The following PCNX2 variants were observed in gnomAD, a reference collection of about 807,000 sequenced individuals.
PCNX2 encodes the protein pecanex-like protein 2.
A neutral mutation model predicts 223.8 loss-of-function variants in PCNX2; 168 were observed. The observed-to-expected ratio is 0.75, with a 90% CI of 0.66 to 0.85. The LOEUF is 0.85. Among genes scored for constraint, PCNX2 ranks in the 40% least tolerant of loss-of-function variants. PCNX2 has a pLI of 0.00. For synonymous variants in PCNX2, 1,006 were observed against 1,052.6 expected, an observed-to-expected ratio of 0.96 and a Z score of 0.86; for missense variants, 2,507 against 2,675.5, an observed-to-expected ratio of 0.94 and a Z score of 1.39.
intron 21 of PCNX2, among the ~76,000 whole-genome samples, chr1:233,120,238 A>G (rs1675706147): frequency 6.6e-6 from 1 of 151,592 alleles, no homozygotes; most frequent in Admixed American, 6.6e-5. Context: ...AAGAATTCTC[A>G]AAATTAAACA....
At chr1:233,122,954 C>T (rs1413848337) in intron 21 of PCNX2, among the ~76,000 whole-genome samples, 2 of 152,270 alleles carry the variant, frequency 1.3e-5, no homozygotes, top group South Asian at 4.1e-4. Flanking sequence ...CTATAAAATA[C>T]CTGATCAGTA....
intron 17 of PCNX2, among the ~76,000 whole-genome samples, chr1:233,167,264 C>A (rs4649290): frequency 6.6e-6 from 1 of 152,046 alleles, no homozygotes; most frequent in Non-Finnish European, 1.5e-5. Context: ...ACCTGGAGCA[C>A]ATTTTGCTAA....
Position 233,295,454 on chromosome 1 carries a change from G to A in PCNX2, c.25C>T (p.Leu9Phe). The A allele has an allele frequency of 6.4e-7, 1 of 1,550,620 alleles. No homozygotes were observed. Among genetic ancestry groups the A allele is most frequent in the Non-Finnish European group, 8.7e-7 (1 of 1,146,900 alleles). Residue 9 changes from leucine (L) to phenylalanine (F), a missense_variant, in exon 1 of 34, where the codon CTC becomes TTC. Coordinates refer to ENST00000258229, the MANE Select transcript of PCNX2 (RefSeq NM_014801.4). The surrounding 1 kb of genome is among the most constrained non-coding windows in gnomAD (Gnocchi z 4.1). ...AGCGCGGCCCACACGCCCTGCCGGA[G>A]CAGCTGCAGCACCTGGGACACCATG... MVSQVLQL[L>F]RQGVWAALTG...
chr1:233,205,570 C>A (rs1400400823), intron 13 of PCNX2, among the ~76,000 whole-genome samples: 1 of 152,062 alleles, frequency 6.6e-6, no homozygotes, highest in African/African-American at 2.4e-5. Context: ...TGGCACGCAC[C>A]TATAATCCCA....
At chr1:232,987,776 G>A (rs192045996) in intron 32 of PCNX2, among the ~76,000 whole-genome samples, 18 of 152,288 alleles carry the variant, frequency 1.2e-4, no homozygotes, top group East Asian at 7.7e-4. Flanking sequence ...CCACCCCACC[G>A]TGGCCTAGGC....
the PCNX2 span, among the ~76,000 whole-genome samples, chr1:233,307,457 G>T: frequency 2.0e-5 from 3 of 152,210 alleles, no homozygotes; most frequent in Non-Finnish European, 2.9e-5. Context: ...AGTGGAAGCA[G>T]CCTGAAGCCC....
At chr1:233,134,950 A>C (rs1676721698) in intron 21 of PCNX2, 63 bp downstream of exon 21, 1 of 1,363,334 alleles carries the variant, frequency 7.3e-7, no homozygotes, top group African/African-American at 1.5e-5. Flanking sequence ...AAACTCTTAA[A>C]ACATTTGATA....
chr1:233,190,492 A>T (rs143182579), intron 15 of PCNX2, among the ~76,000 whole-genome samples: 13 of 152,350 alleles, frequency 8.5e-5, no homozygotes, highest in African/African-American at 3.1e-4. Context: ...AAATTGCTCT[A>T]TTTTTAACAA....
At chr1:233,168,848 A>C (rs994440710) in intron 17 of PCNX2, among the ~76,000 whole-genome samples, 1 of 152,152 alleles carries the variant, frequency 6.6e-6, no homozygotes, top group African/African-American at 2.4e-5. Context: ...ATCTTGACAC[A>C]ATTGGCACCA....
intron 1 of PCNX2, among the ~76,000 whole-genome samples, chr1:233,285,370 T>C (rs919741458): frequency 5.9e-5 from 9 of 151,770 alleles, no homozygotes; most frequent in Middle Eastern, 6.8e-3. Context: ...AATAATAAAA[T>C]TAAAAATTAA....
At chr1:233,050,937 T>TAATATCCAG in intron 25 of PCNX2, among the ~76,000 whole-genome samples, 1 of 152,098 alleles carries the variant, frequency 6.6e-6, no homozygotes, top group Non-Finnish European at 1.5e-5. Flanking sequence ...GACAAAGGTC[T>TAATATCCAG]AATATCCAGA....
At chr1:233,034,105 G>T (rs1671362954) in intron 25 of PCNX2, among the ~76,000 whole-genome samples, 1 of 152,128 alleles carries the variant, frequency 6.6e-6, no homozygotes, top group African/African-American at 2.4e-5. Context: ...TCAGCTTCTT[G>T]GGGGGCTGAG....
intron 28 of PCNX2, among the ~76,000 whole-genome samples, chr1:233,010,404 A>G (rs1558160211): frequency 6.6e-6 from 1 of 152,230 alleles, no homozygotes. Flanking sequence ...TAAATTTTCT[A>G]TCCTCTTGGA....
rs1319296625 is a variant in PCNX2 at position 233,278,087 on chromosome 1, C to G, written c.154-14924G>C. On this transcript the variant is annotated intron_variant, in intron 1 of 33. Transcript: ENST00000258229. ...GCACCACTCATAGACAGTTATCACACTTTTATGGACTCTATTTCAAGTAAT... is the reference window on the plus strand; with the variant it reads ...GCACCACTCATAGACAGTTATCACAGTTTTATGGACTCTATTTCAAGTAAT... Among the ~76,000 whole-genome samples the G allele has an allele frequency of 3.3e-5, 5 of 152,218 alleles. No homozygotes were observed. The South Asian group carries it at 1.0e-3, about 32-fold the overall frequency.
chr1:233,222,654 A>G (rs1054683168), intron 10 of PCNX2, among the ~76,000 whole-genome samples: 7 of 152,358 alleles, frequency 4.6e-5, no homozygotes, highest in Admixed American at 3.9e-4. Flanking sequence ...TTGACACTGG[A>G]AAGATGCAAT....
chr1:233,172,968 A>G (rs1023598455), intron 17 of PCNX2, among the ~76,000 whole-genome samples: 1 of 152,136 alleles, frequency 6.6e-6, no homozygotes, highest in African/African-American at 2.4e-5. Flanking sequence ...CTAGCACATA[A>G]GATTCATTTT....
intron 21 of PCNX2, among the ~76,000 whole-genome samples, chr1:233,120,782 T>A (rs928042880): frequency 6.6e-6 from 1 of 152,192 alleles, no homozygotes; most frequent in East Asian, 1.9e-4. Context: ...ACAATCAATT[T>A]AAATGTGAAT....
At chr1:233,276,662 T>C (rs772853184) in intron 1 of PCNX2, among the ~76,000 whole-genome samples, 1 of 152,212 alleles carries the variant, frequency 6.6e-6, no homozygotes, top group African/African-American at 2.4e-5. Context: ...ATTTCCCTTC[T>C]AGAATATCTC....
chr1:233,153,382 G>A (rs776329633), intron 19 of PCNX2, among the ~76,000 whole-genome samples: 1 of 152,298 alleles, frequency 6.6e-6, no homozygotes, highest in South Asian at 2.1e-4. Context: ...CGTCTGTGTG[G>A]AAAGTTGGAA....
Sources: allele counts gnomAD v4.1 joint callset (sites outside exome capture counted in the v4.1 genomes callset), GRCh38; gene constraint gnomAD v4.1.1; non-coding constraint Gnocchi (gnomAD v3.1); transcripts MANE v1.5; gene names NCBI Gene and HGNC (gene_info 2026-07-23, HGNC 2026-07-21).